FOXJ3: variants seen among roughly 807,000 people sequenced by gnomAD.
FOXJ3 encodes forkhead box J3, also known as forkhead box protein J3.
A neutral mutation model predicts 76.1 loss-of-function variants in FOXJ3; 22 were observed. The observed-to-expected ratio is 0.29, with a 90% CI of 0.21 to 0.41. The LOEUF is 0.41. Among genes scored for constraint, FOXJ3 ranks in the 10% least tolerant of loss-of-function variants. The pLI, the probability that FOXJ3 is intolerant of heterozygous loss-of-function variation, is 1.00. For missense variants in FOXJ3, 613 were observed against 762.1 expected (o/e 0.80, Z 2.30); for synonymous variants, 269 against 261.2 (o/e 1.03, Z -0.29).
At chr1:42,232,002 T>C (rs1011914760) in intron 4 of FOXJ3, among the ~76,000 whole-genome samples, 3 of 147,818 alleles carry the variant, frequency 2.0e-5, no homozygotes, top group Admixed American at 2.0e-4. Flanking sequence ...CCTGTGTCCA[T>C]GTGTTCTCAC....
Position 42,295,323 on chromosome 1 carries a change from T to C in FOXJ3, c.44+15727A>G, listed in dbSNP as rs573439599. 3.3e-5 allele frequency among the ~76,000 whole-genome samples: 5 copies of C among 152,300 alleles called. No individual in the cohort carries two copies. The South Asian group carries it at 8.3e-4, about 25-fold the overall frequency. ...TGAGAACATGTGGTATTTGATTTTG[T>C]TTCTGAGTTATTTCACTTAGGATAA... On this transcript the variant is annotated intron_variant, in intron 2 of 12. Transcript: ENST00000361346.
At chr1:42,313,058 G>A (rs911464144) in intron 1 of FOXJ3, among the ~76,000 whole-genome samples, 1 of 152,154 alleles carries the variant, frequency 6.6e-6, no homozygotes, top group Admixed American at 6.5e-5. Flanking sequence ...ATACCGGCTG[G>A]GCGCAGTGGC....
intron 2 of FOXJ3, among the ~76,000 whole-genome samples, chr1:42,305,461 G>A (rs1295971278): frequency 6.6e-6 from 1 of 152,180 alleles, no homozygotes; most frequent in Admixed American, 6.5e-5. Context: ...CATATTGTTT[G>A]CAATACTGTT....
At chr1:42,239,094 A>G (rs1011474792) in intron 4 of FOXJ3, among the ~76,000 whole-genome samples, 1 of 152,224 alleles carries the variant, frequency 6.6e-6, no homozygotes, top group Non-Finnish European at 1.5e-5. Context: ...CCTTCCTAGT[A>G]CAGAAAAAAA....
chr1:42,194,971 A>T lies in FOXJ3; in HGVS notation c.853T>A (p.Ser285Thr), dbSNP rs1332714481. Reference sequence around the variant, plus strand: ...CTAAGATCTTCAAAATTATATTCTGAGAAAAGTAGTTGCTTGTCTCTTTCT... The same window carrying T: ...CTAAGATCTTCAAAATTATATTCTGTGAAAAGTAGTTGCTTGTCTCTTTCT... ...LPERDKQLLF[S>T]EYNFEDLSAS... is the part of the protein sequence containing the mutation. The change falls in exon 8 of 13, where the codon TCA (serine) becomes ACA (threonine). Residue 285 changes from serine to threonine, a missense_variant. Ser to Thr is a moderately conservative substitution (Grantham distance 58, BLOSUM62 1). This residue lies in a region of FOXJ3 where 526 missense variants were observed against 601.4 expected (regional missense o/e 0.87). Transcript: ENST00000361346. The T allele has an allele frequency of 1.2e-6, 2 of 1,613,346 alleles. No individual in the cohort carries two copies. The highest frequency in any genetic ancestry group is 1.7e-6 in the Non-Finnish European group (2 of 1,179,592).
chr1:42,221,533 G>A (rs535195422), intron 5 of FOXJ3, among the ~76,000 whole-genome samples: 3 of 152,142 alleles, frequency 2.0e-5, no homozygotes, highest in Admixed American at 2.0e-4. Flanking sequence ...ATGGCTCACT[G>A]CAACCTCAAA....
chr1:42,252,097 G>A (rs527893048), intron 4 of FOXJ3, among the ~76,000 whole-genome samples: 72 of 152,206 alleles, frequency 4.7e-4, no homozygotes, highest in African/African-American at 1.5e-3. Flanking sequence ...TTTTGGTTGT[G>A]TCTCTGCCCG....
At chr1:42,297,951 G>A (rs981843654) in intron 2 of FOXJ3, among the ~76,000 whole-genome samples, 6 of 152,100 alleles carry the variant, frequency 3.9e-5, no homozygotes, top group African/African-American at 1.4e-4. Context: ...TTGTTAGAAG[G>A]TAATAAGGTT....
chr1:42,189,581 G>C, intron 9 of FOXJ3, 177 bp from the exon 10 acceptor site: 1 of 503,516 alleles, frequency 2.0e-6, no homozygotes, highest in South Asian at 2.4e-5. Context: ...AGGCAGAAAG[G>C]TATTATTTCT....
intron 3 of FOXJ3, among the ~76,000 whole-genome samples, chr1:42,271,937 C>T (rs1336107854): frequency 6.6e-6 from 1 of 152,198 alleles, no homozygotes; most frequent in Non-Finnish European, 1.5e-5. Context: ...AGCCATGAGC[C>T]CCCACTGCAC....
At chr1:42,194,041 T>G (rs781107797) in intron 8 of FOXJ3, among the ~76,000 whole-genome samples, 3 of 152,216 alleles carry the variant, frequency 2.0e-5, no homozygotes, top group Non-Finnish European at 4.4e-5. Flanking sequence ...TCCTTGATCT[T>G]GAACTTCCCA....
chr1:42,187,600 G>C (rs1001167332), intron 11 of FOXJ3, among the ~76,000 whole-genome samples: 4 of 152,098 alleles, frequency 2.6e-5, no homozygotes, highest in Admixed American at 6.5e-5. Flanking sequence ...CATAAGTGAG[G>C]ATACCTGAAT....
At chr1:42,298,230 CTG>C (rs1279194986) in intron 2 of FOXJ3, among the ~76,000 whole-genome samples, 1 of 152,220 alleles carries the variant, frequency 6.6e-6, no homozygotes, top group East Asian at 1.9e-4. Flanking sequence ...CCCTGTGGAA[CTG>C]TGAGTCAACT....
At chr1:42,287,166 C>A (rs996310248) in intron 2 of FOXJ3, among the ~76,000 whole-genome samples, 1 of 151,444 alleles carries the variant, frequency 6.6e-6, no homozygotes, top group Non-Finnish European at 1.5e-5. Flanking sequence ...TGGTGAAACC[C>A]GATCTCTACT....
At chr1:42,259,966 A>T (rs1027496261) in intron 4 of FOXJ3, among the ~76,000 whole-genome samples, 1 of 152,190 alleles carries the variant, frequency 6.6e-6, no homozygotes, top group African/African-American at 2.4e-5. Context: ...AAGCTGTATC[A>T]GTGTTTTTTC....
intron 5 of FOXJ3, among the ~76,000 whole-genome samples, chr1:42,216,260 T>C (rs1189978110): frequency 2.0e-5 from 3 of 151,982 alleles, no homozygotes; most frequent in Admixed American, 2.0e-4. Flanking sequence ...GGCTCACGCC[T>C]GTAATCCCAG....
At chr1:42,297,656 T>C (rs981869346) in intron 2 of FOXJ3, among the ~76,000 whole-genome samples, 10 of 152,214 alleles carry the variant, frequency 6.6e-5, no homozygotes, top group African/African-American at 2.2e-4. Context: ...GCTGTCGGAT[T>C]CAGCATTTGT....
intron 4 of FOXJ3, among the ~76,000 whole-genome samples, chr1:42,237,427 T>TATATATATATATATACACAC (rs1166082659): frequency 1.5e-5 from 2 of 129,916 alleles, no homozygotes; most frequent in African/African-American, 5.4e-5. Flanking sequence ...TATATATATA[T>TATATATATATATATACACAC]ACATACATAC....
At chr1:42,312,794 G>C (rs1654888517) in intron 1 of FOXJ3, among the ~76,000 whole-genome samples, 1 of 152,320 alleles carries the variant, frequency 6.6e-6, no homozygotes, top group Middle Eastern at 3.4e-3. Context: ...ACAACGTTCA[G>C]ATCTTAACCA....
Sources: gnomAD v4.1 joint callset for allele counts (sites outside exome capture counted in the v4.1 genomes callset) on GRCh38, gnomAD v4.1.1 for gene constraint, gnomAD v4.1.1 regional missense constraint, MANE v1.5 for transcripts, NCBI Gene and HGNC (gene_info 2026-07-23, HGNC 2026-07-21) for gene names.